ESRRG: variants seen among roughly 807,000 people sequenced by gnomAD.
ESRRG encodes the protein estrogen-related receptor gamma.
A neutral mutation model predicts 44.0 loss-of-function variants in ESRRG; 13 were observed. The observed-to-expected ratio is 0.30, with a 90% confidence interval of 0.19 to 0.47. The LOEUF (loss-of-function observed/expected upper bound fraction) is 0.47, where lower values mean the gene tolerates loss of function less well. ESRRG is among the 20% of genes least tolerant of loss of function. The pLI is 1.00. For missense variants in ESRRG, 395 were observed against 580.6 expected (o/e 0.68, Z 3.29); for synonymous variants, 215 against 214.6 (o/e 1.00, Z -0.02).
rs114923499 is a variant in ESRRG at position 216,690,125 on chromosome 1, T to A, written c.57-12634A>T. On this transcript the variant is annotated intron_variant, in intron 1 of 6. Transcript: ENST00000408911. ...GATATTCACTACAAGTGAAAACATA[T>A]CCCCACAAAAAGAACTGCTTAGGAA... Among the ~76,000 whole-genome samples, 17 of 152,134 alleles carry A rather than the reference T, an allele frequency of 1.1e-4. 1 individual carries two copies. Among genetic ancestry groups the A allele is most frequent in the African/African-American group, 3.9e-4 (16 of 41,506 alleles).
At chr1:216,792,185 C>G (rs2094339684) in intron 2 of ESRRG, among the ~76,000 whole-genome samples, 1 of 152,132 alleles carries the variant, frequency 6.6e-6, no homozygotes. Flanking sequence ...AGCATGTGGT[C>G]AGCCTCATTC....
At chr1:217,011,933 G>A (rs878919605) in intron 1 of ESRRG, among the ~76,000 whole-genome samples, 1 of 152,112 alleles carries the variant, frequency 6.6e-6, no homozygotes, top group Non-Finnish European at 1.5e-5. Context: ...CTTCGTGCTA[G>A]CTTGTACCCC....
intron 5 of ESRRG, among the ~76,000 whole-genome samples, chr1:216,558,517 T>C (rs1024740984): frequency 1.3e-5 from 2 of 152,188 alleles, no homozygotes; most frequent in Admixed American, 1.3e-4. Flanking sequence ...ACTTTTTAGA[T>C]CACTTGGTTT....
At chr1:216,865,522 A>G (rs1372413176) in intron 2 of ESRRG, among the ~76,000 whole-genome samples, 2 of 152,084 alleles carry the variant, frequency 1.3e-5, no homozygotes, top group South Asian at 2.1e-4. Flanking sequence ...TCATAGCACA[A>G]TTGGGACTGC....
At chr1:216,932,976 A>G (rs752767182) in intron 2 of ESRRG, among the ~76,000 whole-genome samples, 12 of 151,874 alleles carry the variant, frequency 7.9e-5, no homozygotes, top group Non-Finnish European at 1.6e-4. Context: ...CAGGAGTAAG[A>G]CCACAAGAAT....
intron 2 of ESRRG, among the ~76,000 whole-genome samples, chr1:216,840,155 G>C (rs979064346): frequency 6.6e-6 from 1 of 152,140 alleles, no homozygotes; most frequent in Non-Finnish European, 1.5e-5. Context: ...AAAATCTCTT[G>C]TTTGCTGTAG....
At chr1:216,932,934 G>A (rs2063586354) in intron 2 of ESRRG, among the ~76,000 whole-genome samples, 1 of 151,438 alleles carries the variant, frequency 6.6e-6, no homozygotes, top group Non-Finnish European at 1.5e-5. Context: ...ATACACTTTG[G>A]CTTAGCAATC....
At chr1:216,781,919 C>T (rs2093951854) in intron 2 of ESRRG, among the ~76,000 whole-genome samples, 1 of 151,988 alleles carries the variant, frequency 6.6e-6, no homozygotes, top group Non-Finnish European at 1.5e-5. Flanking sequence ...AGGTGACAAG[C>T]CTCTGATTGA....
At chr1:216,938,671 A>C (rs531750391) in intron 2 of ESRRG, among the ~76,000 whole-genome samples, 2 of 152,308 alleles carry the variant, frequency 1.3e-5, no homozygotes, top group East Asian at 3.9e-4. Flanking sequence ...GTACCATTGA[A>C]AGGCATCATT....
chr1:217,016,547 T>C (rs1363584875), intron 1 of ESRRG, among the ~76,000 whole-genome samples: 1 of 152,174 alleles, frequency 6.6e-6, no homozygotes, highest in Non-Finnish European at 1.5e-5. Context: ...CTACCAGTTA[T>C]CATCATCATC....
intron 2 of ESRRG, among the ~76,000 whole-genome samples, chr1:216,878,287 A>C (rs1441768174): frequency 6.6e-6 from 1 of 152,026 alleles, no homozygotes; most frequent in East Asian, 1.9e-4. Flanking sequence ...TTTTCTTCTT[A>C]ATTTGCAGGC....
At chr1:216,776,807 G>T (rs1480799036) in intron 2 of ESRRG, among the ~76,000 whole-genome samples, 1 of 152,092 alleles carries the variant, frequency 6.6e-6, no homozygotes. Flanking sequence ...AAGTAGTGAT[G>T]GTCATGGAAG....
At chr1:216,927,390 TA>T (rs1229027370) in intron 2 of ESRRG, among the ~76,000 whole-genome samples, 2 of 151,816 alleles carry the variant, frequency 1.3e-5, no homozygotes, top group Admixed American at 1.3e-4. Context: ...AAGGGTTAAG[TA>T]GAAACAAAGG....
At chr1:216,914,982 A>G (rs1438558743) in intron 2 of ESRRG, among the ~76,000 whole-genome samples, 1 of 152,220 alleles carries the variant, frequency 6.6e-6, no homozygotes, top group Non-Finnish European at 1.5e-5. Context: ...TCAAAGATCT[A>G]AATATAAGTT....
intron 2 of ESRRG, among the ~76,000 whole-genome samples, chr1:216,775,829 T>C (rs766496531): frequency 7.9e-5 from 12 of 152,038 alleles, no homozygotes; most frequent in Non-Finnish European, 1.8e-4. Flanking sequence ...CCTCCCAAAG[T>C]GCTGGGGTTA....
intron 2 of ESRRG, among the ~76,000 whole-genome samples, chr1:216,844,996 T>C (rs1481866611): frequency 6.6e-6 from 1 of 152,086 alleles, no homozygotes; most frequent in Admixed American, 6.6e-5. Flanking sequence ...GATCCAATAT[T>C]TTCTCACAGA....
intron 2 of ESRRG, among the ~76,000 whole-genome samples, chr1:216,797,895 G>A (rs1281812839): frequency 6.6e-6 from 1 of 152,036 alleles, no homozygotes; most frequent in Non-Finnish European, 1.5e-5. Flanking sequence ...TTAGGGACTG[G>A]GGAGTCATGT....
intron 1 of ESRRG, among the ~76,000 whole-genome samples, chr1:217,115,564 C>G (rs528348017): frequency 6.6e-6 from 1 of 152,228 alleles, no homozygotes; most frequent in South Asian, 2.1e-4. Context: ...AGGCATGCTC[C>G]TCCATTAGTA....
chr1:216,605,698 A>G (rs753222420), intron 3 of ESRRG, among the ~76,000 whole-genome samples: 1 of 152,092 alleles, frequency 6.6e-6, no homozygotes, highest in Non-Finnish European at 1.5e-5. Flanking sequence ...TTATGTATAG[A>G]TCTGCCATCT....
Sources: gnomAD v4.1 joint callset for allele counts (sites outside exome capture counted in the v4.1 genomes callset) on GRCh38, gnomAD v4.1.1 for gene constraint, MANE v1.5 for transcripts, NCBI Gene and HGNC (gene_info 2026-07-23, HGNC 2026-07-21) for gene names.